Variants in XKR9 observed in about 807,000 individuals in gnomAD.
The protein encoded by XKR9 is XK-related protein 9.
Under a neutral mutation model 32.0 loss-of-function variants are expected in XKR9, and 32 were observed. The observed-to-expected ratio is 1.00, with a 90% CI of 0.76 to 1.34. The LOEUF (loss-of-function observed/expected upper bound fraction) is 1.34. Among genes scored for constraint, XKR9 ranks in the 40% most tolerant of loss-of-function variants. The pLI, the probability that XKR9 is intolerant of heterozygous loss-of-function variation, is 0.00. For missense variants in XKR9, 546 were observed against 429.7 expected, an observed-to-expected ratio of 1.27 and a Z score of -2.39; for synonymous variants, 168 against 143.4, an observed-to-expected ratio of 1.17 and a Z score of -1.22.
the XKR9 span, among the ~76,000 whole-genome samples, chr8:70,875,043 G>A: frequency 2.0e-5 from 3 of 152,148 alleles, no homozygotes; most frequent in Admixed American, 2.0e-4. Context: ...TCAGATTTCT[G>A]TTACTAGAAA....
Position 70,734,245 on chromosome 8 carries a change from C to A in XKR9, c.943C>A (p.Pro315Thr), listed in dbSNP as rs746192962. Reference protein sequence around the residue: ...FWVCPLTIFNPDYFIPISITI... With the variant: ...FWVCPLTIFNTDYFIPISITI... ...GGTTTGCCCCCTCACTATTTTTAAT[C>A]CAGACTATTTTATACCTATCAGTAT... Residue 315 changes from proline to threonine, a missense_variant, in exon 5 of 5, where the codon CCA (proline) becomes ACA (threonine). Physicochemically the swap from Pro to Thr is conservative, Grantham distance 38. Coordinates refer to ENST00000408926, the MANE Select transcript of XKR9 (RefSeq NM_001011720.2). 1.2e-6 allele frequency: 2 copies of A among 1,612,956 alleles called. No homozygotes were observed. The highest frequency in any genetic ancestry group is 4.5e-5 in the East Asian group (2 of 44,802).
the XKR9 span, among the ~76,000 whole-genome samples, chr8:70,904,848 T>G: frequency 1.3e-5 from 2 of 152,210 alleles, no homozygotes; most frequent in Non-Finnish European, 2.9e-5. Flanking sequence ...GTTATTTGTC[T>G]GTAAAGGATT....
At chr8:70,787,172 C>G (rs762913393) in intron 2 of XKR9, among the ~76,000 whole-genome samples, 5 of 152,106 alleles carry the variant, frequency 3.3e-5, no homozygotes, top group Non-Finnish European at 7.4e-5. Context: ...TCCTGTATCT[C>G]CATGTTGTAG....
chr8:71,061,888 G>A, the XKR9 span, among the ~76,000 whole-genome samples: 1 of 152,188 alleles, frequency 6.6e-6, no homozygotes, highest in Non-Finnish European at 1.5e-5. Context: ...AAAATGTAAA[G>A]AACTCTTATA....
At chr8:70,712,338 C>T (rs948436484) in intron 4 of XKR9, among the ~76,000 whole-genome samples, 2 of 151,758 alleles carry the variant, frequency 1.3e-5, no homozygotes, top group Non-Finnish European at 2.9e-5. Flanking sequence ...TAAAACAGGC[C>T]AAAATATGTA....
chr8:70,885,737 C>T, the XKR9 span, among the ~76,000 whole-genome samples: 1 of 152,104 alleles, frequency 6.6e-6, no homozygotes, highest in African/African-American at 2.4e-5. Context: ...GCTGGGACTA[C>T]AGGCACCTGC....
At chr8:70,691,129 T>C (rs1173081130) in intron 3 of XKR9, among the ~76,000 whole-genome samples, 6 of 152,218 alleles carry the variant, frequency 3.9e-5, no homozygotes, top group South Asian at 4.1e-4. Flanking sequence ...TGGTATTTCA[T>C]TGTGGTTTTC....
the XKR9 span, among the ~76,000 whole-genome samples, chr8:70,984,879 T>C: frequency 6.6e-6 from 1 of 152,220 alleles, no homozygotes; most frequent in Admixed American, 6.5e-5. Flanking sequence ...GTCTGTAAAA[T>C]GTAACATCAT....
At chr8:70,884,019 C>T in the XKR9 span, among the ~76,000 whole-genome samples, 1 of 152,070 alleles carries the variant, frequency 6.6e-6, no homozygotes, top group African/African-American at 2.4e-5. Context: ...AATGAAAGTT[C>T]CTGTTGCTCC....
chr8:71,038,500 T>C, the XKR9 span, among the ~76,000 whole-genome samples: 1 of 151,726 alleles, frequency 6.6e-6, no homozygotes, highest in Non-Finnish European at 1.5e-5. Context: ...TTTGTATTTT[T>C]AGTAGAGATG....
chr8:71,049,087 C>A, the XKR9 span, among the ~76,000 whole-genome samples: 4 of 152,080 alleles, frequency 2.6e-5, no homozygotes, highest in South Asian at 8.3e-4. Context: ...ATTCTTAGTA[C>A]TTTTTAATGT....
At chr8:70,971,405 T>C in the XKR9 span, among the ~76,000 whole-genome samples, 5 of 151,704 alleles carry the variant, frequency 3.3e-5, no homozygotes, top group South Asian at 4.2e-4. Context: ...CCTCCCACTG[T>C]GTGGGTTATC....
chr8:70,978,513 C>T, the XKR9 span, among the ~76,000 whole-genome samples: 6 of 152,064 alleles, frequency 3.9e-5, no homozygotes, highest in Non-Finnish European at 8.8e-5. Context: ...TGGCAGGATA[C>T]GAAATTCTGG....
the XKR9 span, among the ~76,000 whole-genome samples, chr8:70,822,942 CA>C: frequency 6.6e-6 from 1 of 151,940 alleles, no homozygotes; most frequent in African/African-American, 2.4e-5. Context: ...TATAAAACAC[CA>C]AATACAGTGC....
At chr8:70,915,219 T>C in the XKR9 span, among the ~76,000 whole-genome samples, 2 of 152,094 alleles carry the variant, frequency 1.3e-5, no homozygotes, top group African/African-American at 2.4e-5. Context: ...ACAATAGTGA[T>C]GCTATACATA....
the XKR9 span, among the ~76,000 whole-genome samples, chr8:71,046,860 A>G: frequency 6.6e-6 from 1 of 152,220 alleles, no homozygotes; most frequent in East Asian, 1.9e-4. Flanking sequence ...AACTTGGTGT[A>G]TGTTCAAGTT....
At chr8:70,723,635 C>A (rs1806356847) in intron 4 of XKR9, among the ~76,000 whole-genome samples, 1 of 152,168 alleles carries the variant, frequency 6.6e-6, no homozygotes, top group African/African-American at 2.4e-5. Context: ...CTGGGTATCA[C>A]CAGCGGAGGC....
At chr8:70,880,099 A>G in the XKR9 span, among the ~76,000 whole-genome samples, 1 of 152,166 alleles carries the variant, frequency 6.6e-6, no homozygotes, top group Admixed American at 6.5e-5. Context: ...AACTATCAAT[A>G]AACTAGGTAT....
chr8:70,862,055 G>A, the XKR9 span, among the ~76,000 whole-genome samples: 1 of 152,148 alleles, frequency 6.6e-6, no homozygotes, highest in Non-Finnish European at 1.5e-5. Flanking sequence ...GAGACGGAGT[G>A]GGACCAAAGC....
Sources: gnomAD v4.1 joint callset for allele counts (sites outside exome capture counted in the v4.1 genomes callset) on GRCh38, gnomAD v4.1.1 for gene constraint, MANE v1.5 for transcripts, NCBI Gene and HGNC (gene_info 2026-07-23, HGNC 2026-07-21) for gene names.